BRAF: variants seen among roughly 807,000 people sequenced by gnomAD.
BRAF encodes serine/threonine-protein kinase B-raf.
BRAF carries 16 observed loss-of-function variants against 104.6 expected under a neutral mutation model. The observed-to-expected ratio is 0.15, with a 90% CI of 0.10 to 0.23. BRAF has a LOEUF of 0.23. BRAF is among the 10% of genes least tolerant of loss of function. The pLI, the probability that BRAF is intolerant of heterozygous loss-of-function variation, is 1.00. For missense variants in BRAF, 541 were observed against 937.3 expected, an observed-to-expected ratio of 0.58 and a Z score of 5.52; for synonymous variants, 310 against 341.6, an observed-to-expected ratio of 0.91 and a Z score of 1.02.
At chr7:140,911,987 T>C (rs1177931864) in intron 1 of BRAF, among the ~76,000 whole-genome samples, 1 of 152,226 alleles carries the variant, frequency 6.6e-6, no homozygotes, top group Non-Finnish European at 1.5e-5. Flanking sequence ...CTCATAATGC[T>C]GTCTAGACAA....
chr7:140,905,896 G>A (rs1054512066), intron 1 of BRAF, among the ~76,000 whole-genome samples: 3 of 150,728 alleles, frequency 2.0e-5, no homozygotes, highest in Non-Finnish European at 4.4e-5. Context: ...AGACCATCCC[G>A]GCTAAAACGG....
At chr7:140,805,445 G>A (rs907586045) in intron 5 of BRAF, among the ~76,000 whole-genome samples, 1 of 152,146 alleles carries the variant, frequency 6.6e-6, no homozygotes, top group South Asian at 2.1e-4. Flanking sequence ...ATGTGGATAT[G>A]CATTTGATCA....
At position 140,724,191 on chromosome 7, in the gene BRAF, A is replaced by AGCTTAGCTTCCTC; in HGVS notation, c.*2302_*2303insGAGGAAGCTAAGC. 2 of 1,055,726 alleles carry AGCTTAGCTTCCTC rather than the reference A, an allele frequency of 1.9e-6. No individual in the cohort carries two copies. Among genetic ancestry groups the AGCTTAGCTTCCTC allele is most frequent in the South Asian group, 9.1e-5 (2 of 21,876 alleles). 65.4% of individuals were successfully genotyped at this position (1,055,726 alleles called of 1,614,324 possible). ...ACTGAAATGCTAAGCTTCCTCCCTA[A>AGCTTAGCTTCCTC]TGGTACCGCCCCTGCCCCTGCCCCA... On this transcript the variant is annotated 3_prime_UTR_variant, in exon 20 of 20. Coordinates refer to ENST00000644969, the MANE Select transcript of BRAF (RefSeq NM_001374258.1).
intron 1 of BRAF, among the ~76,000 whole-genome samples, chr7:140,890,898 C>G (rs373859034): frequency 2.6e-5 from 4 of 152,168 alleles, no homozygotes; most frequent in African/African-American, 9.7e-5. Context: ...TTAATGCAGT[C>G]TAAGCAACAG....
At chr7:140,878,850 A>AG (rs1361210624) in intron 1 of BRAF, among the ~76,000 whole-genome samples, 2 of 152,280 alleles carry the variant, frequency 1.3e-5, no homozygotes, top group East Asian at 3.9e-4. Context: ...CACGTACCCC[A>AG]GAAATATATA....
At chr7:140,872,834 G>C (rs538239490) in intron 1 of BRAF, among the ~76,000 whole-genome samples, 1 of 152,294 alleles carries the variant, frequency 6.6e-6, no homozygotes, top group African/African-American at 2.4e-5. Context: ...CTGCACTCCA[G>C]CCTGGGTGCT....
At chr7:140,743,049 C>T (rs1797060126) in intron 17 of BRAF, among the ~76,000 whole-genome samples, 1 of 152,208 alleles carries the variant, frequency 6.6e-6, no homozygotes, top group East Asian at 1.9e-4. Context: ...GTTAGAATCA[C>T]AATCATTAAA....
chr7:140,724,007 T>C lies in BRAF; in HGVS notation c.*2487A>G, dbSNP rs948162876. The C allele has an allele frequency of 2.9e-6, 3 of 1,042,944 alleles. No individual in the cohort carries two copies. The African/African-American group carries it at 5.0e-5, about 17-fold the overall frequency. 64.6% of individuals were successfully genotyped at this position (1,042,944 alleles called of 1,614,324 possible). ...GAAGAAAAGAGAGGTTTAAATATTT[T>C]ATTTTTTAAGGTATCTATAAAAATC... On this transcript the variant is annotated 3_prime_UTR_variant, in exon 20 of 20. Transcript: ENST00000644969.
intron 11 of BRAF, 97 bp downstream of exon 10, chr7:140,782,924 A>T: frequency 7.3e-7 from 1 of 1,376,562 alleles, no homozygotes; most frequent in South Asian, 1.3e-5. Context: ...ATTCTGTGTC[A>T]CATATGGACA....
At position 140,802,197 on chromosome 7, in the gene BRAF, A is replaced by C. The variant is rs56886628; in HGVS notation, c.712-637T>G. On this transcript the variant is annotated intron_variant, in intron 5 of 19. Transcript: ENST00000644969. ...ATGGACTTCATACCACAGTGGTCCC[A>C]TAAGATTATAAAGGAGTTGAATAAT... Among the ~76,000 whole-genome samples the C allele has an allele frequency of 7.4e-3, 1,130 of 152,230 alleles. 11 individuals carry two copies. Among genetic ancestry groups the C allele is most frequent in the African/African-American group, 0.026 (1,061 of 41,544 alleles).
chr7:140,715,646 T>C (rs1292541285), downstream of BRAF, among the ~76,000 whole-genome samples: 1 of 152,180 alleles, frequency 6.6e-6, no homozygotes, highest in Non-Finnish European at 1.5e-5. Context: ...ATGTGGGCCA[T>C]GGAGGGAATT....
downstream of BRAF, among the ~76,000 whole-genome samples, chr7:140,717,050 C>G (rs551609987): frequency 1.2e-4 from 18 of 152,146 alleles, no homozygotes; most frequent in Middle Eastern, 3.2e-3. Flanking sequence ...ACAGTAGGGA[C>G]AAGTGGAGCA....
chr7:140,810,123 A>G (rs1639678), intron 3 of BRAF, among the ~76,000 whole-genome samples: 14,889 of 152,236 alleles, frequency 0.098, 795 homozygotes, highest in South Asian at 0.19. Flanking sequence ...GAAATTGGGA[A>G]TATTTATGCT....
intron 3 of BRAF, among the ~76,000 whole-genome samples, chr7:140,809,809 T>C (rs1804037192): frequency 1.3e-5 from 2 of 151,514 alleles, no homozygotes; most frequent in South Asian, 4.2e-4. Context: ...AGAATGAAGC[T>C]AACATACGAA....
chr7:140,801,147 A>C, intron 6 of BRAF: 1 of 357,412 alleles, frequency 2.8e-6, no homozygotes, highest in Non-Finnish European at 5.0e-6. Flanking sequence ...AAACTATCCA[A>C]AAATGGTTTC....
At position 140,781,607 on chromosome 7, in the gene BRAF, T is replaced by C. The variant is rs776001588; in HGVS notation, c.1521A>G (p.Ser507=). The part of the protein sequence containing the change: ...ITVGQRIGSG[S]FGTVYKGKWH... ...ACTTTCCCTTGTAGACTGTTCCAAA[T>C]GATCCAGATCCAATTCTTTGTCCCA... The change falls in exon 12 of 20, where the codon TCA becomes TCG. Residue 507 remains serine (S), a synonymous_variant. Coordinates refer to ENST00000644969, the MANE Select transcript of BRAF (RefSeq NM_001374258.1). The C allele has an allele frequency of 2.5e-6, 4 of 1,614,146 alleles. No homozygotes were observed. In the Admixed American group the frequency reaches 5.0e-5, roughly 20 times the overall value.
chr7:140,751,378 T>A (rs150679251), intron 16 of BRAF, among the ~76,000 whole-genome samples: 1 of 152,314 alleles, frequency 6.6e-6, no homozygotes, highest in African/African-American at 2.4e-5. Flanking sequence ...AAATCTGTTT[T>A]CCCTCATCTT....
chr7:140,810,764 C>G (rs913095766), intron 3 of BRAF, among the ~76,000 whole-genome samples: 2 of 152,204 alleles, frequency 1.3e-5, no homozygotes, highest in Admixed American at 1.3e-4. Flanking sequence ...ACTCTTAGTG[C>G]TTTCATAGAC....
At chr7:140,813,651 T>C (rs1804515922) in intron 3 of BRAF, among the ~76,000 whole-genome samples, 1 of 152,158 alleles carries the variant, frequency 6.6e-6, no homozygotes, top group South Asian at 2.1e-4. Flanking sequence ...TACACTATAG[T>C]ACATCTATAC....
Sources: gnomAD v4.1 joint callset for allele counts (sites outside exome capture counted in the v4.1 genomes callset) on GRCh38, gnomAD v4.1.1 for gene constraint, MANE v1.5 for transcripts, NCBI Gene and HGNC (gene_info 2026-07-23, HGNC 2026-07-21) for gene names.